The following THBS4 variants were observed in gnomAD, a reference collection of about 807,000 sequenced individuals.
THBS4 encodes the protein thrombospondin 4, also known as thrombospondin-4.
THBS4 carries 90 observed loss-of-function variants against 115.7 expected under a neutral mutation model. The observed-to-expected ratio is 0.78, with a 90% CI of 0.66 to 0.93. THBS4 has a LOEUF of 0.93. Among genes scored for constraint, THBS4 ranks in the 40% least tolerant of loss-of-function variants. THBS4 has a pLI of 0.00. For synonymous variants in THBS4, 460 were observed against 479.3 expected (o/e 0.96, Z 0.53); for missense variants, 1,087 against 1,232.7 (o/e 0.88, Z 1.77).
chr5:80,039,942 C>T (rs557396074), intron 1 of THBS4, 135 bp from the exon 2 acceptor site: 6 of 753,018 alleles, frequency 8.0e-6, no homozygotes, highest in East Asian at 5.2e-5. Flanking sequence ...TTTGGCAATA[C>T]GGAAAAGGGA....
chr5:80,056,994 T>C (rs948582909), intron 3 of THBS4, among the ~76,000 whole-genome samples: 1 of 152,212 alleles, frequency 6.6e-6, no homozygotes, highest in African/African-American at 2.4e-5. Context: ...GTTTTGCCCT[T>C]GAACAACAGG....
intron 2 of THBS4, among the ~76,000 whole-genome samples, chr5:80,004,328 G>A (rs900580779): frequency 6.6e-6 from 1 of 152,200 alleles, no homozygotes; most frequent in Non-Finnish European, 1.5e-5. Context: ...GCACCACATT[G>A]GACTGGCCTA....
intron 1 of THBS4, among the ~76,000 whole-genome samples, chr5:79,997,563 C>CAT (rs71601548): frequency 0.7 from 105,650 of 151,768 alleles, 37,265 homozygotes; most frequent in African/African-American, 0.81. Flanking sequence ...TTAACTATAA[C>CAT]ATAAGCTATA....
intron 2 of THBS4, among the ~76,000 whole-genome samples, chr5:80,053,408 T>TC (rs1414117940): frequency 3.3e-5 from 1 of 30,670 alleles, no homozygotes; most frequent in Non-Finnish European, 6.0e-5. Flanking sequence ...TGGTGCTGCT[T>TC]TTTTTTTTTT....
At chr5:80,077,323 G>A (rs1743266931) in intron 16 of THBS4, among the ~76,000 whole-genome samples, 1 of 152,202 alleles carries the variant, frequency 6.6e-6, no homozygotes, top group East Asian at 1.9e-4. Context: ...CACACACTGT[G>A]GCTCAGTCCC....
chr5:80,062,084 G>A (rs1833656878), intron 8 of THBS4, among the ~76,000 whole-genome samples: 1 of 152,150 alleles, frequency 6.6e-6, no homozygotes, highest in African/African-American at 2.4e-5. Flanking sequence ...GGGGTAATAT[G>A]GCTATTGGCA....
intron 2 of THBS4, among the ~76,000 whole-genome samples, chr5:80,007,461 C>T (rs1343067801): frequency 6.6e-6 from 1 of 152,200 alleles, no homozygotes; most frequent in Non-Finnish European, 1.5e-5. Context: ...TCCTGGAATT[C>T]GTCTGCCCCA....
chr5:80,076,704 C>A, intron 15 of THBS4, 151 bp from the exon 16 acceptor site: 1 of 668,980 alleles, frequency 1.5e-6, no homozygotes. Flanking sequence ...CATAGGGCAG[C>A]CTTATCTAAG....
chr5:80,081,349 T>C (rs1047927944), intron 20 of THBS4, among the ~76,000 whole-genome samples: 1 of 152,164 alleles, frequency 6.6e-6, no homozygotes, highest in African/African-American at 2.4e-5. Context: ...CCCTTTTCCG[T>C]CCCAAAATGG....
intron 2 of THBS4, among the ~76,000 whole-genome samples, chr5:80,017,770 CT>C (rs1832279401): frequency 6.6e-6 from 1 of 152,104 alleles, no homozygotes; most frequent in Non-Finnish European, 1.5e-5. Flanking sequence ...TCGAAATTTT[CT>C]TTTGTGAGGA....
chr5:80,030,544 T>C (rs1302983108), upstream of THBS4, among the ~76,000 whole-genome samples: 1 of 152,108 alleles, frequency 6.6e-6, no homozygotes, highest in Non-Finnish European at 1.5e-5. Flanking sequence ...ATTGTTTGTA[T>C]TTTTAGTAGA....
chr5:79,993,558 C>T (rs1486179863), intron 1 of THBS4, among the ~76,000 whole-genome samples: 1 of 152,154 alleles, frequency 6.6e-6, no homozygotes, highest in Non-Finnish European at 1.5e-5. Context: ...TGTGGGATGG[C>T]CTGAATCACA....
rs1026109530 is a variant in THBS4, at chr5:80,029,863, G to T, written n.178-10214G>T. Among the ~76,000 whole-genome samples the T allele has an allele frequency of 5.3e-5, 8 of 152,054 alleles. No homozygotes were observed. The East Asian group carries it at 1.5e-3, about 29-fold the overall frequency. On this transcript the variant is annotated intron_variant and non_coding_transcript_variant, in intron 2 of 3. Coordinates refer to the THBS4 transcript ENST00000510218. Reference sequence around the variant, plus strand: ...TGGGCACCTTTAGTCCCAGCTACTCGGGAGGCTGAGATAGGAGAATGGCGT... The same window carrying T: ...TGGGCACCTTTAGTCCCAGCTACTCTGGAGGCTGAGATAGGAGAATGGCGT...
chr5:80,076,865 G>A lies in THBS4; in HGVS notation c.1903G>A (p.Gly635Arg). ...CDTNQDSDGDGHQDSTDNCPT... is the reference protein window; with the variant it reads ...CDTNQDSDGDRHQDSTDNCPT... ...TCCTTTCTCCTGCAGTGATGGAGAT[G>A]GGCACCAGGACAGCACAGACAACTG... Residue 635 changes from glycine to arginine, a missense_variant, in exon 16 of 22, where the codon GGG (glycine) becomes AGG (arginine). Around this residue, in one of 3 missense-constraint regions of THBS4, gnomAD observed 979 missense variants for 1,103.7 expected, o/e 0.89. Transcript: ENST00000350881. 3.2e-6 allele frequency: 5 copies of A among 1,582,632 alleles called. No individual in the cohort carries two copies. Among genetic ancestry groups the A allele is most frequent in the Non-Finnish European group, 4.3e-6 (5 of 1,163,362 alleles).
At chr5:80,047,712 C>A (rs957200678) in intron 2 of THBS4, among the ~76,000 whole-genome samples, 1 of 151,340 alleles carries the variant, frequency 6.6e-6, no homozygotes, top group Non-Finnish European at 1.5e-5. Flanking sequence ...CAGCTCACTG[C>A]AACTTCCACC....
intron 9 of THBS4, chr5:80,067,393 A>C (rs763555425): frequency 4.0e-5 from 6 of 151,698 alleles, no homozygotes; most frequent in Non-Finnish European, 7.4e-5. Flanking sequence ...CAGTGTGATA[A>C]TATATATTAT....
intron 2 of THBS4, among the ~76,000 whole-genome samples, chr5:80,025,497 G>T (rs1193772823): frequency 6.6e-6 from 1 of 152,152 alleles, no homozygotes. Flanking sequence ...GACCCCACAA[G>T]CAACTTTAGG....
intron 12 of THBS4, 106 bp from the exon 13 acceptor site, chr5:80,070,915 A>G: frequency 8.2e-6 from 13 of 1,586,468 alleles, no homozygotes; most frequent in South Asian, 7.0e-5. Context: ...GATGTTTGAA[A>G]TATAAAACTG....
chr5:80,066,825 A>T (rs961727683), intron 9 of THBS4: 38 of 152,292 alleles, frequency 2.5e-4, no homozygotes, highest in African/African-American at 9.1e-4. Context: ...AGGAAAGTAG[A>T]CAGTAAATAG....
Sources: gnomAD v4.1 joint callset for allele counts (sites outside exome capture counted in the v4.1 genomes callset) on GRCh38, gnomAD v4.1.1 for gene constraint, gnomAD v4.1.1 regional missense constraint, MANE v1.5 for transcripts, NCBI Gene and HGNC (gene_info 2026-07-23, HGNC 2026-07-21) for gene names.